KIDINS220: variants seen among roughly 807,000 people sequenced by gnomAD.
KIDINS220 encodes kinase D interacting substrate 220.
In KIDINS220, 63 loss-of-function variants were observed where a neutral mutation model predicts 157.6. The ratio of observed to expected loss-of-function variants is 0.40; its 90% confidence interval spans 0.33 to 0.49. The LOEUF is 0.49. Ranked by LOEUF, KIDINS220 falls within the 20% of genes least tolerant of loss-of-function variation. KIDINS220 has a pLI of 0.66. For missense variants in KIDINS220, 1,772 were observed against 2,171.2 expected (o/e 0.82, Z 3.65); for synonymous variants, 732 against 783.6 (o/e 0.93, Z 1.10).
chr2:8,761,912 T>C (rs1668787370), intron 22 of KIDINS220, among the ~76,000 whole-genome samples: 1 of 152,228 alleles, frequency 6.6e-6, no homozygotes, highest in Admixed American at 6.5e-5. Flanking sequence ...TTAAATATTT[T>C]GATTTGAAAT....
chr2:8,827,781 T>C (rs1679033340), intron 1 of KIDINS220, among the ~76,000 whole-genome samples: 2 of 152,230 alleles, frequency 1.3e-5, no homozygotes, highest in Admixed American at 1.3e-4. Context: ...TATCAAAACA[T>C]CACATTGTAC....
Position 8,730,690 on chromosome 2 carries a change from A to G in KIDINS220, c.*30T>C, listed in dbSNP as rs1330230237. 3 of 1,598,306 alleles carry G rather than the reference A, an allele frequency of 1.9e-6. No individual in the cohort carries two copies. The highest frequency in any genetic ancestry group is 2.6e-6 in the Non-Finnish European group (3 of 1,174,066). ...CAGGACAATTCTGTCATAAAGGTACAGTAACACTCTTCTCCTTTGCTTGTT... is the reference window on the plus strand; with the variant it reads ...CAGGACAATTCTGTCATAAAGGTACGGTAACACTCTTCTCCTTTGCTTGTT... On this transcript the variant is annotated 3_prime_UTR_variant, in exon 30 of 30. Coordinates refer to ENST00000256707, the MANE Select transcript of KIDINS220 (RefSeq NM_020738.4).
At chr2:8,728,235 G>C (rs760808111), downstream of KIDINS220, among the ~76,000 whole-genome samples, 1 of 152,078 alleles carries the variant, frequency 6.6e-6, no homozygotes. Flanking sequence ...CCAGCTACTC[G>C]GGAGGCTGAG....
intron 22 of KIDINS220, among the ~76,000 whole-genome samples, chr2:8,758,627 T>C (rs1008318024): frequency 6.6e-6 from 1 of 152,212 alleles, no homozygotes; most frequent in Non-Finnish European, 1.5e-5. Context: ...CTCTTCTTTT[T>C]CTAGCTCCTC....
intron 21 of KIDINS220, among the ~76,000 whole-genome samples, chr2:8,776,397 TAAAA>T (rs778932020): frequency 2.7e-4 from 40 of 150,816 alleles, no homozygotes; most frequent in Non-Finnish European, 4.3e-4. Context: ...ATATGAAAAT[TAAAA>T]AAAAAGCATA....
chr2:8,747,550 G>A (rs1030792903), intron 25 of KIDINS220: 9 of 400,336 alleles, frequency 2.2e-5, no homozygotes, highest in Non-Finnish European at 3.2e-5. Context: ...ATACTATAAA[G>A]GTACTGTATA....
chr2:8,734,561 A>G (rs1009788064), intron 28 of KIDINS220, 94 bp downstream of exon 28: 1 of 849,912 alleles, frequency 1.2e-6, no homozygotes. Flanking sequence ...TTAGGCCAGT[A>G]CTTATTGATA....
intron 12 of KIDINS220, among the ~76,000 whole-genome samples, chr2:8,791,593 T>A (rs1673203746): frequency 2.0e-5 from 3 of 152,280 alleles, no homozygotes; most frequent in Non-Finnish European, 2.9e-5. Flanking sequence ...ACAAGACACA[T>A]TCCAATTTCA....
intron 22 of KIDINS220, among the ~76,000 whole-genome samples, chr2:8,762,508 C>T (rs1668882141): frequency 6.6e-6 from 1 of 152,086 alleles, no homozygotes; most frequent in African/African-American, 2.4e-5. Flanking sequence ...GAGGCTGAGG[C>T]GGGTAGATCA....
intron 22 of KIDINS220, among the ~76,000 whole-genome samples, chr2:8,766,280 G>A (rs13005344): frequency 0.27 from 40,838 of 151,920 alleles, 5,677 homozygotes; most frequent in Middle Eastern, 0.34. Flanking sequence ...TCTCTGGCCC[G>A]GAACTGTTCC....
chr2:8,758,414 C>T (rs747613387), intron 22 of KIDINS220, among the ~76,000 whole-genome samples: 2 of 152,184 alleles, frequency 1.3e-5, no homozygotes, highest in Admixed American at 1.3e-4. Context: ...AACTCCAACT[C>T]GAGGCACCTC....
rs764748611 is a variant in KIDINS220 at position 8,751,660 on chromosome 2, C to A, written c.3012-16G>T. ...CTTTGATATTCTTCAAATAAGAAAT[C>A]AATGAAAAAGGTTATTAATGTCACT... On this transcript the variant is annotated splice_polypyrimidine_tract_variant and intron_variant, in intron 22 of 29. Transcript: ENST00000256707. 1 of 1,546,646 alleles carries A rather than the reference C, an allele frequency of 6.5e-7. No individual in the cohort carries two copies. The highest frequency in any genetic ancestry group is 1.2e-5 in the South Asian group (1 of 85,864).
At chr2:8,805,789 C>A (rs1007022824) in intron 7 of KIDINS220, among the ~76,000 whole-genome samples, 1 of 152,048 alleles carries the variant, frequency 6.6e-6, no homozygotes. Flanking sequence ...AAAGAAATAC[C>A]ATTGTCTCCC....
chr2:8,750,074 C>T, intron 24 of KIDINS220, 38 bp downstream of exon 24: 2 of 1,567,402 alleles, frequency 1.3e-6, no homozygotes, highest in Non-Finnish European at 1.7e-6. Flanking sequence ...TTCCCTGTAA[C>T]AAATTCTTAA....
At chr2:8,736,786 T>C in intron 27 of KIDINS220, 82 bp downstream of exon 27, 1 of 1,427,580 alleles carries the variant, frequency 7.0e-7, no homozygotes, top group Non-Finnish European at 9.5e-7. Context: ...TGGGAAGCTA[T>C]ACATAAAGTT....
Position 8,733,680 on chromosome 2 carries a change from C to A in KIDINS220, c.3817G>T (p.Val1273Leu), listed in dbSNP as rs1190022245. Residue 1273 changes from valine (V) to leucine (L), a missense_variant and splice_region_variant, in exon 29 of 30, where the codon GTA (valine) becomes TTA (leucine). Coordinates refer to ENST00000256707, the MANE Select transcript of KIDINS220 (RefSeq NM_020738.4). ...FGDWHLFRST[V>L]LEMRNAESHV... is the part of the protein sequence containing the mutation. ...CTTTCTGCGTTTCTCATTTCTAGTA[C>A]CTTAACAGAAGAAAAACATAAATAT... 2 of 1,513,580 alleles carry A rather than the reference C, an allele frequency of 1.3e-6. No individual in the cohort carries two copies. Among genetic ancestry groups the A allele is most frequent in the Non-Finnish European group, 1.8e-6 (2 of 1,124,622 alleles). 93.8% of individuals were successfully genotyped at this position (1,513,580 alleles called of 1,614,324 possible). A position where few individuals can be genotyped will look rare whatever the true frequency, so the allele number is the denominator to read the frequency against.
intron 1 of KIDINS220, among the ~76,000 whole-genome samples, chr2:8,833,740 T>C (rs545308145): frequency 3.9e-5 from 6 of 152,292 alleles, no homozygotes; most frequent in African/African-American, 1.4e-4. Flanking sequence ...TTTGCACAAT[T>C]AGCAAAAAAA....
chr2:8,776,928 G>A (rs774430380), intron 20 of KIDINS220, 36 bp from the exon 21 acceptor site: 45 of 1,600,752 alleles, frequency 2.8e-5, no homozygotes, highest in South Asian at 1.0e-4. Flanking sequence ...AGGAACCCAC[G>A]CGTCCAGTCT....
At position 8,734,771 on chromosome 2, in the gene KIDINS220, C is replaced by A. The variant is rs1192060002; in HGVS notation, c.3718-18G>T. ...ATGTTTGCCTGAGTAAAAATTAAAA[C>A]AATTATGGGTATAAAGACAGAATGT... On this transcript the variant is annotated intron_variant, in intron 27 of 29. Transcript: ENST00000256707. 1.3e-6 allele frequency: 2 copies of A among 1,522,608 alleles called. No homozygotes were observed. The highest frequency in any genetic ancestry group is 1.8e-6 in the Non-Finnish European group (2 of 1,100,844). 94.3% of individuals were successfully genotyped at this position (1,522,608 alleles called of 1,614,324 possible).
Sources: gnomAD v4.1 joint callset for allele counts (sites outside exome capture counted in the v4.1 genomes callset) on GRCh38, gnomAD v4.1.1 for gene constraint, MANE v1.5 for transcripts, NCBI Gene and HGNC (gene_info 2026-07-23, HGNC 2026-07-21) for gene names.